The following NRG3 variants were observed in gnomAD, a reference collection of about 807,000 sequenced individuals.
NRG3 encodes neuregulin 3.
Under a neutral mutation model 66.9 loss-of-function variants are expected in NRG3, and 31 were observed. The ratio of observed to expected loss-of-function variants is 0.46; its 90% CI spans 0.35 to 0.63. The LOEUF (loss-of-function observed/expected upper bound fraction) is 0.63. Ranked by LOEUF, NRG3 falls within the 20% of genes least tolerant of loss-of-function variation. The pLI, the probability that NRG3 is intolerant of heterozygous loss-of-function variation, is 0.00. For synonymous variants in NRG3, 393 were observed against 359.4 expected (o/e 1.09, Z -1.06); for missense variants, 910 against 878.9 (o/e 1.04, Z -0.45).
chr10:82,716,716 A>T (rs1439737160), intron 2 of NRG3, among the ~76,000 whole-genome samples: 1 of 152,202 alleles, frequency 6.6e-6, no homozygotes, highest in Non-Finnish European at 1.5e-5. Flanking sequence ...GACTCTCAAC[A>T]ATCTGTATCA....
intron 1 of NRG3, among the ~76,000 whole-genome samples, chr10:81,886,942 A>G (rs1246820550): frequency 6.6e-6 from 1 of 152,166 alleles, no homozygotes; most frequent in African/African-American, 2.4e-5. Context: ...ATTTTGGAAT[A>G]GGGATGCTGT....
intron 1 of NRG3, among the ~76,000 whole-genome samples, chr10:82,087,450 C>T (rs901160666): frequency 7.9e-5 from 12 of 151,934 alleles, no homozygotes; most frequent in Admixed American, 3.9e-4. Flanking sequence ...TAATACATGC[C>T]GTATACACTC....
intron 3 of NRG3, among the ~76,000 whole-genome samples, chr10:82,811,765 C>T (rs1483090870): frequency 3.3e-5 from 5 of 152,230 alleles, no homozygotes; most frequent in African/African-American, 7.2e-5. Context: ...TCTTCCTGTT[C>T]AATTGCTTTC....
chr10:82,154,666 A>T (rs1426024245), intron 1 of NRG3, among the ~76,000 whole-genome samples: 2 of 151,574 alleles, frequency 1.3e-5, no homozygotes, highest in Non-Finnish European at 3.0e-5. Flanking sequence ...GGTAGTTTGG[A>T]CATGTAAATG....
At chr10:82,097,797 C>G (rs2066451361) in intron 1 of NRG3, among the ~76,000 whole-genome samples, 1 of 151,766 alleles carries the variant, frequency 6.6e-6, no homozygotes, top group Non-Finnish European at 1.5e-5. Context: ...AAAATTGTAG[C>G]CATTCTAATA....
intron 1 of NRG3, among the ~76,000 whole-genome samples, chr10:82,272,086 G>A (rs1224217197): frequency 2.0e-5 from 3 of 152,046 alleles, no homozygotes; most frequent in Admixed American, 1.3e-4. Context: ...AATTTTAGAT[G>A]TTGACATTTT....
At chr10:82,630,534 C>T (rs1055514135) in intron 2 of NRG3, among the ~76,000 whole-genome samples, 2 of 151,708 alleles carry the variant, frequency 1.3e-5, no homozygotes, top group African/African-American at 2.4e-5. Context: ...TAAGTTGGCC[C>T]GGACGTGGTG....
At chr10:82,126,135 C>T (rs899882312) in intron 1 of NRG3, among the ~76,000 whole-genome samples, 15 of 152,014 alleles carry the variant, frequency 9.9e-5, no homozygotes, top group African/African-American at 3.6e-4. Flanking sequence ...TAATACTTTT[C>T]ACTAGAAAGT....
intron 1 of NRG3, among the ~76,000 whole-genome samples, chr10:82,298,734 T>C (rs1168134594): frequency 6.6e-6 from 1 of 152,182 alleles, no homozygotes; most frequent in Non-Finnish European, 1.5e-5. Context: ...CAATGAGGAA[T>C]TCTATGCTGT....
chr10:82,669,248 GTAATAATAATAATAATAATAA>G (rs5786560), intron 2 of NRG3, among the ~76,000 whole-genome samples: 3 of 143,028 alleles, frequency 2.1e-5, no homozygotes, highest in African/African-American at 2.6e-5. Flanking sequence ...ATTTATGATG[GTAATAATAATAATAATAATAA>G]TAATAATAAT....
chr10:82,165,052 TA>T (rs1009408623), intron 1 of NRG3, among the ~76,000 whole-genome samples: 19 of 152,266 alleles, frequency 1.2e-4, no homozygotes, highest in Admixed American at 3.3e-4. Flanking sequence ...TAGATAGACA[TA>T]AAAAATATTT....
At chr10:82,589,354 G>A (rs1252223440) in intron 2 of NRG3, among the ~76,000 whole-genome samples, 1 of 152,022 alleles carries the variant, frequency 6.6e-6, no homozygotes, top group African/African-American at 2.4e-5. Context: ...TTAATTGAAG[G>A]TGTATCACTC....
intron 2 of NRG3, among the ~76,000 whole-genome samples, chr10:82,367,717 G>C (rs910835852): frequency 2.0e-5 from 3 of 152,030 alleles, no homozygotes; most frequent in African/African-American, 7.3e-5. Flanking sequence ...ATTCTTGACC[G>C]AACGTGGTGG....
At chr10:82,773,059 T>C (rs1202553470) in intron 3 of NRG3, among the ~76,000 whole-genome samples, 1 of 152,136 alleles carries the variant, frequency 6.6e-6, no homozygotes, top group African/African-American at 2.4e-5. Flanking sequence ...GGAGTGAAGA[T>C]ATCTTTGTGA....
At position 82,184,342 on chromosome 10, in the gene NRG3, A is replaced by G. The variant is rs571271739; in HGVS notation, c.824-174397A>G. Among the ~76,000 whole-genome samples the G allele has an allele frequency of 7.0e-4, 106 of 152,226 alleles. 1 individual carries two copies. Among genetic ancestry groups the G allele is most frequent in the African/African-American group, 2.5e-3 (105 of 41,562 alleles). On this transcript the variant is annotated intron_variant, in intron 1 of 8. Coordinates refer to ENST00000372141, the MANE Select transcript of NRG3 (RefSeq NM_001010848.4). ...TGTACACATCCTTCCATCTACTTAC[A>G]TTCCATTGGTAAGAACTTGTCCAAA... is the stretch of plus-strand genomic sequence containing the variant.
chr10:82,771,590 A>G (rs1236288957), intron 3 of NRG3, among the ~76,000 whole-genome samples: 1 of 152,156 alleles, frequency 6.6e-6, no homozygotes. Flanking sequence ...CGCAGAGGGA[A>G]AAACATTCTT....
At chr10:82,311,597 A>G (rs567061579) in intron 1 of NRG3, among the ~76,000 whole-genome samples, 1 of 152,352 alleles carries the variant, frequency 6.6e-6, no homozygotes, top group Non-Finnish European at 1.5e-5. Flanking sequence ...AGGAATGTTC[A>G]GTGTGGCAGG....
At chr10:82,821,901 A>C (rs1280721398) in intron 3 of NRG3, among the ~76,000 whole-genome samples, 3 of 152,120 alleles carry the variant, frequency 2.0e-5, no homozygotes, top group Non-Finnish European at 4.4e-5. Context: ...TACTCTTCTG[A>C]ATATGGTGGA....
At chr10:82,823,219 C>G (rs1271705629) in intron 3 of NRG3, among the ~76,000 whole-genome samples, 1 of 152,136 alleles carries the variant, frequency 6.6e-6, no homozygotes, top group Non-Finnish European at 1.5e-5. Context: ...TGGTGTTTCT[C>G]TAGTACCTGC....
Sources: gnomAD v4.1 joint callset for allele counts (sites outside exome capture counted in the v4.1 genomes callset) on GRCh38, gnomAD v4.1.1 for gene constraint, MANE v1.5 for transcripts, NCBI Gene and HGNC (gene_info 2026-07-23, HGNC 2026-07-21) for gene names.